HIBCH: variants seen among roughly 807,000 people sequenced by gnomAD.
HIBCH encodes the protein 3-hydroxyisobutyryl-CoA hydrolase.
Under a neutral mutation model 58.2 loss-of-function variants are expected in HIBCH, and 50 were observed. The observed-to-expected ratio is 0.86, with a 90% confidence interval of 0.68 to 1.09. HIBCH has a LOEUF of 1.09. Among genes scored for constraint, HIBCH ranks in the 50% least tolerant of loss-of-function variants. HIBCH has a pLI of 0.00. For missense variants in HIBCH, 450 were observed against 449.7 expected, an observed-to-expected ratio of 1.00 and a Z score of -0.01; for synonymous variants, 151 against 146.9, an observed-to-expected ratio of 1.03 and a Z score of -0.20.
intron 11 of HIBCH, among the ~76,000 whole-genome samples, chr2:190,220,908 A>G (rs1335441893): frequency 1.3e-5 from 2 of 152,070 alleles, no homozygotes; most frequent in Non-Finnish European, 2.9e-5. Context: ...CAAGCACACA[A>G]TTGTTCCTCA....
At chr2:190,193,475 A>C (rs769926765) in intron 1 of HIBCH, among the ~76,000 whole-genome samples, 33 of 152,116 alleles carry the variant, frequency 2.2e-4, no homozygotes, top group Admixed American at 1.3e-3. Flanking sequence ...TTTAGATAAG[A>C]CTGGTATTAC....
rs570400933 is a variant in HIBCH, at chr2:190,206,584, G to T, written c.1046-1352C>A. On this transcript the variant is annotated intron_variant, in intron 13 of 13. Coordinates refer to ENST00000359678, the MANE Select transcript of HIBCH (RefSeq NM_014362.4). This position sits in a 1 kb window ranked among gnomAD's most constrained non-coding sequence, Gnocchi z 5.1. Reference sequence around the variant, plus strand: ...ATAGCCACTACATGGAGTTTGAGTGGGTATCCAGCTCCACTAAGATGGTCT... The same window carrying T: ...ATAGCCACTACATGGAGTTTGAGTGTGTATCCAGCTCCACTAAGATGGTCT... Among the ~76,000 whole-genome samples the T allele has an allele frequency of 5.3e-5, 8 of 152,170 alleles. No homozygotes were observed. The highest frequency in any genetic ancestry group is 1.9e-4 in the African/African-American group (8 of 41,506).
downstream of HIBCH, chr2:190,202,579 A>G (rs1690280201): frequency 6.0e-6 from 1 of 167,020 alleles, no homozygotes; most frequent in Non-Finnish European, 1.5e-5. Flanking sequence ...CTTTATATTG[A>G]AATATGGGCT....
intron 7 of HIBCH, among the ~76,000 whole-genome samples, chr2:190,255,156 C>A (rs1370522684): frequency 6.6e-6 from 1 of 152,148 alleles, no homozygotes; most frequent in African/African-American, 2.4e-5. Context: ...TCATTGCCTG[C>A]TTTATACTCT....
At chr2:190,287,774 G>A (rs557071446) in intron 5 of HIBCH, 136 bp from the exon 6 acceptor site, 2 of 658,680 alleles carry the variant, frequency 3.0e-6, no homozygotes, top group Non-Finnish European at 5.5e-6. Flanking sequence ...ACGACTAAAT[G>A]TATGGCTTAT....
At chr2:190,193,015 C>T (rs893187326) in intron 1 of HIBCH, among the ~76,000 whole-genome samples, 1 of 152,030 alleles carries the variant, frequency 6.6e-6, no homozygotes, top group African/African-American at 2.4e-5. Context: ...CTTCCTCATA[C>T]TCAGTGGGAC....
chr2:190,255,848 A>AGAGTGT (rs1553501218), intron 7 of HIBCH, among the ~76,000 whole-genome samples: 25 of 151,066 alleles, frequency 1.7e-4, no homozygotes, highest in East Asian at 7.9e-4. Flanking sequence ...AGAGAGAGAG[A>AGAGTGT]GTGTGTGTGT....
intron 6 of HIBCH, among the ~76,000 whole-genome samples, chr2:190,286,948 T>C (rs1458782545): frequency 6.6e-6 from 1 of 151,942 alleles, no homozygotes; most frequent in Non-Finnish European, 1.5e-5. Context: ...AAAGGCTCTA[T>C]ATATTAAAAG....
chr2:190,219,621 G>A (rs996200866), intron 11 of HIBCH, among the ~76,000 whole-genome samples: 1 of 152,196 alleles, frequency 6.6e-6, no homozygotes, highest in Non-Finnish European at 1.5e-5. Context: ...ATTGTGGGCT[G>A]CAACAAAATG....
chr2:190,233,190 A>G (rs944951709), intron 11 of HIBCH, among the ~76,000 whole-genome samples: 1 of 152,176 alleles, frequency 6.6e-6, no homozygotes. Flanking sequence ...TAAACAGGAT[A>G]TAAAAGAACT....
In HIBCH at chr2:190,217,438, C is replaced by G. The variant is rs1053100064; in HGVS notation, c.892-4363G>C. Among the ~76,000 whole-genome samples, 2 of 152,070 alleles carry G rather than the reference C, an allele frequency of 1.3e-5. No homozygotes were observed. Among genetic ancestry groups the G allele is most frequent in the Non-Finnish European group, 2.9e-5 (2 of 68,002 alleles). ...GATGGAGGTTGCAGTGAGTTGAGATCACACACTGCACTCCAGCCTGGGCGA... is the reference window on the plus strand; with the variant it reads ...GATGGAGGTTGCAGTGAGTTGAGATGACACACTGCACTCCAGCCTGGGCGA... On this transcript the variant is annotated intron_variant, in intron 11 of 13. Transcript: ENST00000359678. This position sits in a 1 kb window ranked among gnomAD's most constrained non-coding sequence, Gnocchi z 4.6.
chr2:190,288,203 G>C (rs563913899), intron 5 of HIBCH, among the ~76,000 whole-genome samples: 2 of 149,178 alleles, frequency 1.3e-5, no homozygotes, highest in Non-Finnish European at 3.0e-5. Flanking sequence ...GTCACATTAT[G>C]GTTGGGAACA....
intron 11 of HIBCH, chr2:190,220,413 C>G (rs1290663573): frequency 6.6e-6 from 1 of 152,020 alleles, no homozygotes; most frequent in African/African-American, 2.4e-5. Flanking sequence ...GTTGCCAGAG[C>G]TTTGAACAGA....
intron 8 of HIBCH, among the ~76,000 whole-genome samples, chr2:190,250,081 T>C (rs1231621765): frequency 6.6e-6 from 1 of 152,174 alleles, no homozygotes; most frequent in Non-Finnish European, 1.5e-5. Context: ...CCACAGACAA[T>C]GCACAACACT....
At chr2:190,314,368 T>C (rs201848749) in intron 1 of HIBCH, among the ~76,000 whole-genome samples, 12 of 91,480 alleles carry the variant, frequency 1.3e-4, no homozygotes, top group East Asian at 6.5e-4. Flanking sequence ...CGTATATATA[T>C]ACGTATATAT....
Position 190,296,896 on chromosome 2 carries a change from T to G in HIBCH, c.136A>C (p.Thr46Pro), listed in dbSNP as rs1058180. ...EEVLLEKKGC[T>P]GVITLNRPKF... is the part of the protein sequence containing the mutation. ...GGTCTGTTTAGTGTTATGACTCCCGTGCAACCTTTTTTTTCCAATAGCACC... is the reference window on the plus strand; with the variant it reads ...GGTCTGTTTAGTGTTATGACTCCCGGGCAACCTTTTTTTTCCAATAGCACC... The change falls in exon 3 of 14, where the codon ACG becomes CCG. Residue 46 changes from threonine (T) to proline (P), a missense_variant. By Grantham distance (38) the Thr-to-Pro change is conservative. Coordinates refer to ENST00000359678, the MANE Select transcript of HIBCH (RefSeq NM_014362.4). 1 of 1,613,646 alleles carries G rather than the reference T, an allele frequency of 6.2e-7. No homozygotes were observed. The highest frequency in any genetic ancestry group is 8.5e-7 in the Non-Finnish European group (1 of 1,179,692).
At chr2:190,250,269 G>A (rs965349999) in intron 8 of HIBCH, 6 of 398,760 alleles carry the variant, frequency 1.5e-5, no homozygotes, top group African/African-American at 6.3e-5. Context: ...CCTTAAGGCC[G>A]GCTGTACTGC....
At chr2:190,296,126 A>C (rs1193085015) in intron 3 of HIBCH, among the ~76,000 whole-genome samples, 1 of 152,210 alleles carries the variant, frequency 6.6e-6, no homozygotes, top group Non-Finnish European at 1.5e-5. Context: ...AGGCAGTTTA[A>C]AAGCAGCTGT....
intron 11 of HIBCH, among the ~76,000 whole-genome samples, chr2:190,238,186 C>T (rs1686339630): frequency 6.6e-6 from 1 of 152,068 alleles, no homozygotes; most frequent in African/African-American, 2.4e-5. Flanking sequence ...GGTATATACC[C>T]AGTAAAGGGA....
Sources: allele counts gnomAD v4.1 joint callset (sites outside exome capture counted in the v4.1 genomes callset), GRCh38; gene constraint gnomAD v4.1.1; non-coding constraint Gnocchi (gnomAD v3.1); transcripts MANE v1.5; gene names NCBI Gene and HGNC (gene_info 2026-07-23, HGNC 2026-07-21).